MANSC1: variants seen among roughly 807,000 people sequenced by gnomAD.
The protein encoded by MANSC1 is MANSC domain-containing protein 1.
Under a neutral mutation model 14.1 loss-of-function variants are expected in MANSC1, and 13 were observed. That is an observed-to-expected ratio of 0.92 (90% CI 0.60 to 1.46). The LOEUF is 1.46. Among genes scored for constraint, MANSC1 ranks in the 40% most tolerant of loss-of-function variants. The pLI is 0.00. For synonymous variants in MANSC1, 227 were observed against 200.7 expected (o/e 1.13, Z -1.11); for missense variants, 486 against 511.4 (o/e 0.95, Z 0.48).
chr12:12,330,484 G>A lies in MANSC1; in HGVS notation c.839C>T (p.Thr280Met), dbSNP rs201432430. 7.6e-5 allele frequency: 123 copies of A among 1,614,178 alleles called. 1 individual carries two copies. Among genetic ancestry groups the A allele is most frequent in the South Asian group, 3.6e-4 (33 of 91,076 alleles). The change falls in exon 4 of 4, where the codon ACG becomes ATG. Residue 280 changes from threonine to methionine, a missense_variant. Coordinates refer to ENST00000535902, the MANE Select transcript of MANSC1 (RefSeq NM_018050.4). Reference sequence around the variant, plus strand: ...TGTAAAAACTGTAGAAATGAGGGTCGTGGGAGGCTGAGAAGTGACAGTGGT... The same window carrying A: ...TGTAAAAACTGTAGAAATGAGGGTCATGGGAGGCTGAGAAGTGACAGTGGT... The part of the protein sequence containing the change: ...PVTTVTSQPP[T>M]TLISTVFTRA...
At chr12:12,342,202 C>A (rs1434617352) in intron 2 of MANSC1, among the ~76,000 whole-genome samples, 3 of 152,198 alleles carry the variant, frequency 2.0e-5, no homozygotes, top group African/African-American at 7.2e-5. Context: ...CTTGGCCTCT[C>A]AAAGTTCTGG....
intron 2 of MANSC1, among the ~76,000 whole-genome samples, chr12:12,339,507 G>T (rs1315306212): frequency 1.3e-5 from 2 of 151,560 alleles, no homozygotes; most frequent in Admixed American, 6.6e-5. Context: ...GGCTCAAGCT[G>T]TTTGCCCTAG....
In MANSC1 at chr12:12,335,180, T is replaced by C. The variant is rs1465699432; in HGVS notation, c.364+3240A>G. Among the ~76,000 whole-genome samples, 3 of 152,212 alleles carry C rather than the reference T, an allele frequency of 2.0e-5. No individual in the cohort carries two copies. The East Asian group carries it at 5.8e-4, about 29-fold the overall frequency. Reference sequence around the variant, plus strand: ...AAGTCCTGTCAACTCTACTTCGGAATAGCCCATATGTCCACTACTCTCTCC... The same window carrying C: ...AAGTCCTGTCAACTCTACTTCGGAACAGCCCATATGTCCACTACTCTCTCC... On this transcript the variant is annotated intron_variant, in intron 3 of 3. Transcript: ENST00000535902.
In MANSC1 at chr12:12,335,317, A is replaced by G. The variant is rs188312004; in HGVS notation, c.364+3103T>C. On this transcript the variant is annotated intron_variant, in intron 3 of 3. Transcript: ENST00000535902. ...ACTGTCCATTCCCAAGAGGGCGGCT[A>G]CGGTGAGCTTTGAGAAATCACCTTT... Among the ~76,000 whole-genome samples the G allele has an allele frequency of 2.9e-3, 430 of 150,320 alleles. 2 individuals carry two copies. The highest frequency in any genetic ancestry group is 9.0e-3 in the African/African-American group (372 of 41,178).
intron 2 of MANSC1, 54 bp downstream of exon 2, chr12:12,343,038 T>C (rs1269400894): frequency 2.0e-5 from 25 of 1,273,960 alleles, no homozygotes; most frequent in Non-Finnish European, 2.6e-5. Flanking sequence ...ATCCCCCAGC[T>C]CCTGAAGCCA....
At position 12,338,890 on chromosome 12, in the gene MANSC1, A is replaced by AACACACACACACAC. The variant is rs56183211; in HGVS notation, c.224-344_224-331dup. On this transcript the variant is annotated intron_variant, in intron 2 of 3. Transcript: ENST00000535902. ...AGGCATCCACAACCACACACACACAAACACACACACACACACACACACACA... is the reference window on the plus strand; with the variant it reads ...AGGCATCCACAACCACACACACACAAACACACACACACACACACACACACACACACACACACACA... 1,536 of 192,956 alleles carry AACACACACACACAC rather than the reference A, an allele frequency of 8.0e-3. 28 individuals carry two copies. Among genetic ancestry groups the AACACACACACACAC allele is most frequent in the African/African-American group, 0.023 (942 of 40,204 alleles). The allele number at this position is 192,956 out of a possible 1,614,324, so 12.0% of individuals were successfully genotyped here. A position where few individuals can be genotyped will look rare whatever the true frequency, so the allele number is the denominator to read the frequency against.
chr12:12,345,246 G>T (rs1862995625), intron 1 of MANSC1, among the ~76,000 whole-genome samples: 1 of 149,460 alleles, frequency 6.7e-6, no homozygotes, highest in South Asian at 2.1e-4. Flanking sequence ...CTTGAACCCG[G>T]GAAGTGGAGG....
intron 2 of MANSC1, among the ~76,000 whole-genome samples, chr12:12,340,228 C>T (rs1360593699): frequency 5.1e-4 from 77 of 152,154 alleles, no homozygotes; most frequent in Admixed American, 4.8e-3. Context: ...GGGAGGTCAG[C>T]GTATCCCTGG....
At chr12:12,338,878 C>CACAAACACACAA (rs1254459969) in intron 2 of MANSC1, 9 of 333,650 alleles carry the variant, frequency 2.7e-5, no homozygotes, top group African/African-American at 2.3e-4. Flanking sequence ...CATCCACAAC[C>CACAAACACACAA]ACACACACAC....
chr12:12,338,609 AG>A, intron 2 of MANSC1, 49 bp from the exon 3 acceptor site: 2 of 1,586,782 alleles, frequency 1.3e-6, no homozygotes, highest in Non-Finnish European at 1.7e-6. Context: ...GATTTTCTAA[AG>A]AGTAGGGCAA....
intron 1 of MANSC1, 119 bp downstream of exon 1, chr12:12,349,959 G>A (rs1008600755): frequency 2.0e-5 from 3 of 152,248 alleles, no homozygotes; most frequent in African/African-American, 7.2e-5. Context: ...CTGGTCCTTT[G>A]GATGCTCGGG....
intron 3 of MANSC1, among the ~76,000 whole-genome samples, chr12:12,331,531 G>T (rs770678620): frequency 6.6e-6 from 1 of 152,206 alleles, no homozygotes; most frequent in Non-Finnish European, 1.5e-5. Flanking sequence ...TGCGGGGGAA[G>T]GTGTGGGCTT....
At chr12:12,340,102 G>A (rs1308786513) in intron 2 of MANSC1, among the ~76,000 whole-genome samples, 1 of 152,132 alleles carries the variant, frequency 6.6e-6, no homozygotes, top group East Asian at 1.9e-4. Flanking sequence ...ATGAGCTAAT[G>A]CACCCAGCTG....
Position 12,330,131 on chromosome 12 carries a change from C to A in MANSC1, c.1192G>T (p.Val398Leu). ...GSLLFGVLFL[V>L]IGLVLLGRIL... is the part of the protein sequence containing the mutation. ...CTACCCAGGAGGACGAGGCCTATCA[C>A]CAGGAACAGGACACCAAAGAGCAGG... Residue 398 changes from valine (V) to leucine (L), a missense_variant, in exon 4 of 4, where the codon GTG (valine) becomes TTG (leucine). Coordinates refer to ENST00000535902, the MANE Select transcript of MANSC1 (RefSeq NM_018050.4). 5.0e-6 allele frequency: 8 copies of A among 1,614,116 alleles called. No individual in the cohort carries two copies. The highest frequency in any genetic ancestry group is 6.8e-6 in the Non-Finnish European group (8 of 1,180,030).
At position 12,327,238 on chromosome 12, in the gene MANSC1, G is replaced by T. The variant is rs1415797510; in HGVS notation, c.*2789C>A. 6.6e-6 allele frequency: 1 copy of T among 152,300 alleles called. No homozygotes were observed. The highest frequency in any genetic ancestry group is 1.9e-4 in the East Asian group (1 of 5,198). 9.4% of individuals were successfully genotyped at this position (152,300 alleles called of 1,614,324 possible). On this transcript the variant is annotated 3_prime_UTR_variant, in exon 4 of 4. Coordinates refer to ENST00000535902, the MANE Select transcript of MANSC1 (RefSeq NM_018050.4). ...TACCTTCTCTTTCTACAAACCAAAGGAGGGGGCTCATAACTCAATGGGCCT... is the reference window on the plus strand; with the variant it reads ...TACCTTCTCTTTCTACAAACCAAAGTAGGGGGCTCATAACTCAATGGGCCT...
intron 1 of MANSC1, among the ~76,000 whole-genome samples, chr12:12,348,928 C>A (rs1271680598): frequency 6.6e-6 from 1 of 152,140 alleles, no homozygotes; most frequent in Non-Finnish European, 1.5e-5. Flanking sequence ...TTAAAACTTA[C>A]AAAAAGTTGT....
At chr12:12,346,208 T>G (rs1416420708) in intron 1 of MANSC1, among the ~76,000 whole-genome samples, 1 of 152,026 alleles carries the variant, frequency 6.6e-6, no homozygotes, top group Non-Finnish European at 1.5e-5. Context: ...CAGGCGGAGC[T>G]TGCAGCAAGC....
In MANSC1 at chr12:12,329,025, C is replaced by CACACACA. The variant is rs1254787998; in HGVS notation, c.*1001_*1002insTGTGTGT. On this transcript the variant is annotated 3_prime_UTR_variant, in exon 4 of 4. Transcript: ENST00000535902. The stretch of plus-strand genomic sequence containing the variant: ...ACACACACACACACACACACACACA[C>CACACACA]AAGTTAACTAGAACAGATCCCAAGT... 3.9e-5 allele frequency: 6 copies of CACACACA among 152,132 alleles called. No individual in the cohort carries two copies. Among genetic ancestry groups the CACACACA allele is most frequent in the African/African-American group, 1.2e-4 (5 of 40,146 alleles). 9.4% of individuals were successfully genotyped at this position (152,132 alleles called of 1,614,324 possible). A position where few individuals can be genotyped will look rare whatever the true frequency, so the allele number is the denominator to read the frequency against.
intron 3 of MANSC1, among the ~76,000 whole-genome samples, chr12:12,338,063 A>C (rs1044911556): frequency 6.6e-5 from 10 of 152,194 alleles, no homozygotes; most frequent in Admixed American, 6.5e-4. Context: ...ATATACTAGA[A>C]CTTTCTATAT....
Sources: allele counts gnomAD v4.1 joint callset (sites outside exome capture counted in the v4.1 genomes callset), GRCh38; gene constraint gnomAD v4.1.1; transcripts MANE v1.5; gene names NCBI Gene and HGNC (gene_info 2026-07-23, HGNC 2026-07-21).